GRIK2: variants seen among roughly 807,000 people sequenced by gnomAD.
GRIK2 encodes the protein glutamate receptor ionotropic, kainate 2.
Under a neutral mutation model 100.3 loss-of-function variants are expected in GRIK2, and 32 were observed. The observed-to-expected ratio is 0.32, with a 90% confidence interval of 0.24 to 0.43. The LOEUF is 0.43. Among genes scored for constraint, GRIK2 ranks in the 20% least tolerant of loss-of-function variants. The probability of loss-of-function intolerance (pLI) is 1.00; values close to 1 mark genes in which losing one functional copy is unlikely to be tolerated. For missense variants in GRIK2, 843 were observed against 1,114.9 expected (o/e 0.76, Z 3.47); for synonymous variants, 417 against 389.4 (o/e 1.07, Z -0.83).
At chr6:101,954,427 C>A (rs1455938996) in intron 14 of GRIK2, among the ~76,000 whole-genome samples, 1 of 151,978 alleles carries the variant, frequency 6.6e-6, no homozygotes, top group Non-Finnish European at 1.5e-5. Flanking sequence ...TCTTGCACTT[C>A]TTTAAAGAAT....
chr6:101,731,338 T>C (rs754304509), intron 7 of GRIK2, among the ~76,000 whole-genome samples: 6 of 151,976 alleles, frequency 3.9e-5, no homozygotes, highest in Non-Finnish European at 5.9e-5. Flanking sequence ...CTAAGAACTT[T>C]AGGAAGGAGT....
intron 7 of GRIK2, among the ~76,000 whole-genome samples, chr6:101,745,633 C>A (rs1776378751): frequency 6.6e-6 from 1 of 151,988 alleles, no homozygotes; most frequent in Non-Finnish European, 1.5e-5. Context: ...ATGCCCATTA[C>A]AAAATTAAAA....
chr6:101,850,660 C>A (rs1034979566), intron 10 of GRIK2, among the ~76,000 whole-genome samples: 7 of 152,036 alleles, frequency 4.6e-5, no homozygotes, highest in Middle Eastern at 3.4e-3. Context: ...TGTGCCAACT[C>A]CCAGTCTAAT....
At chr6:101,413,844 TA>T (rs1350323330) in intron 2 of GRIK2, among the ~76,000 whole-genome samples, 2 of 117,698 alleles carry the variant, frequency 1.7e-5, no homozygotes, top group Non-Finnish European at 3.8e-5. Context: ...TTCAAGTCTT[TA>T]TTTATACAAG....
At chr6:101,708,869 A>G (rs1583000502) in intron 7 of GRIK2, among the ~76,000 whole-genome samples, 1 of 151,746 alleles carries the variant, frequency 6.6e-6, no homozygotes, top group South Asian at 2.1e-4. Flanking sequence ...CCAGGTACCT[A>G]TGAATGTGAT....
intron 7 of GRIK2, among the ~76,000 whole-genome samples, chr6:101,783,739 A>G (rs1779250957): frequency 6.6e-6 from 1 of 152,304 alleles, no homozygotes; most frequent in South Asian, 2.1e-4. Context: ...CAGATGAAGA[A>G]CTTGCTGGGA....
chr6:101,950,767 C>T (rs1169429344), intron 14 of GRIK2, among the ~76,000 whole-genome samples: 2 of 151,818 alleles, frequency 1.3e-5, no homozygotes, highest in African/African-American at 4.8e-5. Flanking sequence ...AATACAAGTA[C>T]TAACAGTAGT....
chr6:101,962,310 T>A (rs1223050), intron 14 of GRIK2, among the ~76,000 whole-genome samples: 14,989 of 146,848 alleles, frequency 0.1, 2,024 homozygotes, highest in African/African-American at 0.31. Flanking sequence ...AAAACTGGCA[T>A]TCAATGCCTC....
At chr6:101,943,961 A>G (rs1791114096) in intron 14 of GRIK2, among the ~76,000 whole-genome samples, 1 of 152,138 alleles carries the variant, frequency 6.6e-6, no homozygotes, top group African/African-American at 2.4e-5. Context: ...GTCCCTACCC[A>G]AATCTCATGT....
intron 3 of GRIK2, 152 bp from the exon 4 acceptor site, chr6:101,626,228 A>C: frequency 1.4e-6 from 1 of 702,764 alleles, no homozygotes; most frequent in Non-Finnish European, 2.4e-6. Context: ...AGTCAGACAA[A>C]ATTTTAAATT....
intron 5 of GRIK2, among the ~76,000 whole-genome samples, chr6:101,677,440 A>G (rs1052489767): frequency 1.3e-5 from 2 of 152,084 alleles, no homozygotes; most frequent in Admixed American, 6.5e-5. Context: ...AACAAACAAA[A>G]CCTTCTAAAT....
chr6:101,740,345 A>G (rs1260668992), intron 7 of GRIK2, among the ~76,000 whole-genome samples: 1 of 152,188 alleles, frequency 6.6e-6, no homozygotes, highest in Non-Finnish European at 1.5e-5. Context: ...AGTAACATAT[A>G]GGAAGGTTGT....
chr6:101,826,610 C>T (rs1040188277), intron 10 of GRIK2, among the ~76,000 whole-genome samples: 1 of 151,986 alleles, frequency 6.6e-6, no homozygotes, highest in Non-Finnish European at 1.5e-5. Context: ...TCCCATCAAA[C>T]CTTTTACTGG....
chr6:101,538,489 T>G (rs945430546), intron 2 of GRIK2, among the ~76,000 whole-genome samples: 4 of 151,734 alleles, frequency 2.6e-5, no homozygotes, highest in African/African-American at 9.7e-5. Flanking sequence ...TATTCTTGAC[T>G]TTCTTATACA....
chr6:101,755,147 C>CT (rs1383322290), intron 7 of GRIK2, among the ~76,000 whole-genome samples: 1 of 134,108 alleles, frequency 7.5e-6, no homozygotes, highest in Non-Finnish European at 1.6e-5. Context: ...CATTTCTTTT[C>CT]TTTTTTCTTT....
At chr6:102,043,888 T>G (rs1770733632) in intron 15 of GRIK2, among the ~76,000 whole-genome samples, 1 of 123,646 alleles carries the variant, frequency 8.1e-6, no homozygotes, top group African/African-American at 2.8e-5. Flanking sequence ...TATAAGGAGT[T>G]TTCACTTTTA....
At chr6:101,594,387 C>T (rs891885924) in intron 2 of GRIK2, among the ~76,000 whole-genome samples, 4 of 151,686 alleles carry the variant, frequency 2.6e-5, no homozygotes, top group African/African-American at 4.8e-5. Context: ...TTTTCATATC[C>T]TCCTGGAGTT....
chr6:101,640,962 A>C (rs1781252987), intron 4 of GRIK2, among the ~76,000 whole-genome samples: 1 of 152,176 alleles, frequency 6.6e-6, no homozygotes, highest in African/African-American at 2.4e-5. Context: ...TAGTGATTTA[A>C]CACTGACAAA....
chr6:101,942,209 T>A (rs990738459), intron 14 of GRIK2, among the ~76,000 whole-genome samples: 1 of 152,120 alleles, frequency 6.6e-6, no homozygotes. Context: ...GTAATCCCCA[T>A]GTGTTGAAAG....
Sources: allele counts gnomAD v4.1 joint callset (sites outside exome capture counted in the v4.1 genomes callset), GRCh38; gene constraint gnomAD v4.1.1; transcripts MANE v1.5; gene names NCBI Gene and HGNC (gene_info 2026-07-23, HGNC 2026-07-21).